The following OTOGL variants were observed in gnomAD, a reference collection of about 807,000 sequenced individuals.
The protein encoded by OTOGL is otogelin like, also known as otogelin-like protein.
A neutral mutation model predicts 318.5 loss-of-function variants in OTOGL; 285 were observed. That is an observed-to-expected ratio of 0.89 (90% CI 0.81 to 0.99). The LOEUF is 0.99. Ranked by LOEUF, OTOGL falls within the 50% of genes least tolerant of loss-of-function variation. OTOGL has a pLI of 0.00. For synonymous variants in OTOGL, 987 were observed against 936.5 expected, an observed-to-expected ratio of 1.05 and a Z score of -0.99; for missense variants, 2,899 against 2,845.6, an observed-to-expected ratio of 1.02 and a Z score of -0.43.
chr12:80,305,660 G>C lies in OTOGL; in HGVS notation c.3298G>C (p.Ala1100Pro). ...ATCTAATAACTTGGAAGTGAGAAAT[G>C]CTCGGGTATTTGGAGATAGTTGGGC... is the stretch of plus-strand genomic sequence containing the variant. ...TTSNNLEVRN[A>P]RVFGDSWALG... The change falls in exon 29 of 59, where the codon GCT becomes CCT. Residue 1100 changes from alanine to proline, a missense_variant. This residue lies in a region of OTOGL where 2,607 missense variants were observed against 2,524.9 expected (regional missense o/e 1.03). Transcript: ENST00000547103. 1 of 1,577,976 alleles carries C rather than the reference G, an allele frequency of 6.3e-7. No homozygotes were observed. The highest frequency in any genetic ancestry group is 8.5e-7 in the Non-Finnish European group (1 of 1,171,804).
intron 1 of OTOGL, among the ~76,000 whole-genome samples, chr12:80,162,644 A>G (rs1250957082): frequency 1.3e-5 from 2 of 152,032 alleles, no homozygotes; most frequent in East Asian, 1.9e-4. Flanking sequence ...GTCTCTTCAC[A>G]TAGTCATCCC....
chr12:80,373,513 A>C (rs1342354101), intron 57 of OTOGL, among the ~76,000 whole-genome samples: 1 of 152,130 alleles, frequency 6.6e-6, no homozygotes, highest in Admixed American at 6.6e-5. Context: ...ACTGACATAC[A>C]TCTTGAGGAA....
intron 57 of OTOGL, among the ~76,000 whole-genome samples, chr12:80,376,436 A>G (rs1891179506): frequency 6.6e-6 from 1 of 152,200 alleles, no homozygotes; most frequent in Non-Finnish European, 1.5e-5. Flanking sequence ...CAGGGATTAC[A>G]TCCACTATTA....
chr12:80,215,237 G>A (rs574812066), intron 4 of OTOGL, among the ~76,000 whole-genome samples: 9 of 145,884 alleles, frequency 6.2e-5, no homozygotes, highest in South Asian at 2.2e-4. Context: ...CCTGATCTCC[G>A]CTCACTGCAA....
chr12:80,308,416 G>T (rs1349065444), intron 29 of OTOGL, among the ~76,000 whole-genome samples: 3 of 151,724 alleles, frequency 2.0e-5, no homozygotes, highest in Non-Finnish European at 4.4e-5. Flanking sequence ...ATGGGCGGCC[G>T]GGCAGAGATG....
chr12:80,265,684 T>C (rs1882901510), intron 20 of OTOGL: 1 of 173,490 alleles, frequency 5.8e-6, no homozygotes, highest in Admixed American at 5.5e-5. Context: ...GTGTGTTTTA[T>C]AATTTTTTTT....
intron 33 of OTOGL, 129 bp downstream of exon 33, chr12:80,318,842 A>G (rs988370874): frequency 1.5e-6 from 1 of 648,804 alleles, no homozygotes; most frequent in Non-Finnish European, 2.2e-6. Context: ...CATATGAAAT[A>G]AAATATAACA....
chr12:80,161,846 G>A (rs1346241873), intron 1 of OTOGL, among the ~76,000 whole-genome samples: 4 of 152,134 alleles, frequency 2.6e-5, no homozygotes, highest in African/African-American at 7.2e-5. Flanking sequence ...GGAGTCATAA[G>A]GTTGTGAGAA....
chr12:80,284,174 C>G (rs1467721615), intron 26 of OTOGL, among the ~76,000 whole-genome samples: 1 of 152,058 alleles, frequency 6.6e-6, no homozygotes, highest in Admixed American at 6.6e-5. Flanking sequence ...TGATGGTATC[C>G]AGCTTCATCC....
chr12:80,359,753 A>C (rs1490113533), intron 52 of OTOGL, among the ~76,000 whole-genome samples: 1 of 152,240 alleles, frequency 6.6e-6, no homozygotes. Flanking sequence ...AATAACTTTC[A>C]TAATAATTCT....
chr12:80,369,779 C>T (rs1455525695), intron 55 of OTOGL, among the ~76,000 whole-genome samples: 1 of 151,974 alleles, frequency 6.6e-6, no homozygotes, highest in Non-Finnish European at 1.5e-5. Flanking sequence ...ATGCCCCCAC[C>T]ATGGCCAACC....
At chr12:80,295,867 A>G (rs1447126059) in intron 26 of OTOGL, among the ~76,000 whole-genome samples, 2 of 152,214 alleles carry the variant, frequency 1.3e-5, no homozygotes, top group African/African-American at 2.4e-5. Context: ...TGCCAATTAA[A>G]ACTTTTAAGG....
intron 24 of OTOGL, among the ~76,000 whole-genome samples, chr12:80,276,593 G>A (rs1883826821): frequency 6.6e-6 from 1 of 151,626 alleles, no homozygotes; most frequent in Non-Finnish European, 1.5e-5. Flanking sequence ...TAAGTGATAA[G>A]TTTGCCAGAG....
chr12:80,307,447 C>G (rs1258641230), intron 29 of OTOGL, among the ~76,000 whole-genome samples: 4 of 147,722 alleles, frequency 2.7e-5, no homozygotes, highest in African/African-American at 1.0e-4. Context: ...CTGACCCCCC[C>G]CACCTCCCTC....
intron 52 of OTOGL, among the ~76,000 whole-genome samples, chr12:80,363,054 T>G (rs1197269319): frequency 6.6e-6 from 1 of 152,164 alleles, no homozygotes; most frequent in Non-Finnish European, 1.5e-5. Flanking sequence ...TAGGCTCAAG[T>G]GATCCTCCCG....
intron 1 of OTOGL, among the ~76,000 whole-genome samples, chr12:80,115,392 C>A (rs1870099289): frequency 6.6e-6 from 1 of 152,160 alleles, no homozygotes; most frequent in Non-Finnish European, 1.5e-5. Flanking sequence ...GAGGTCCACA[C>A]CAGACCCTGT....
chr12:80,288,540 A>G (rs904442027), intron 26 of OTOGL, among the ~76,000 whole-genome samples: 1 of 152,000 alleles, frequency 6.6e-6, no homozygotes, highest in Non-Finnish European at 1.5e-5. Context: ...ACACCAATCA[A>G]TCATAGGCTT....
At chr12:80,376,295 A>C (rs1891173846) in intron 57 of OTOGL, among the ~76,000 whole-genome samples, 1 of 152,156 alleles carries the variant, frequency 6.6e-6, no homozygotes, top group Non-Finnish European at 1.5e-5. Flanking sequence ...TTCATGGCTA[A>C]ATGTATTTTA....
At chr12:80,262,775 A>G (rs1882650827) in intron 19 of OTOGL, among the ~76,000 whole-genome samples, 1 of 152,222 alleles carries the variant, frequency 6.6e-6, no homozygotes, top group African/African-American at 2.4e-5. Context: ...GTATATATTC[A>G]GATAGAAGAT....
Sources: gnomAD v4.1 joint callset for allele counts (sites outside exome capture counted in the v4.1 genomes callset) on GRCh38, gnomAD v4.1.1 for gene constraint, gnomAD v4.1.1 regional missense constraint, MANE v1.5 for transcripts, NCBI Gene and HGNC (gene_info 2026-07-23, HGNC 2026-07-21) for gene names.